Variants in SYT10 observed in about 807,000 individuals in gnomAD.
SYT10 encodes synaptotagmin 10.
Under a neutral mutation model 51.1 loss-of-function variants are expected in SYT10, and 31 were observed. The observed-to-expected ratio is 0.61, with a 90% CI of 0.46 to 0.82. The LOEUF is 0.82. SYT10 is among the 40% of genes least tolerant of loss of function. SYT10 has a pLI of 0.00. For synonymous variants in SYT10, 233 were observed against 225.9 expected (o/e 1.03, Z -0.28); for missense variants, 603 against 634.0 (o/e 0.95, Z 0.53).
intron 2 of SYT10, among the ~76,000 whole-genome samples, chr12:33,416,610 A>C (rs1000337785): frequency 6.6e-6 from 1 of 151,888 alleles, no homozygotes; most frequent in African/African-American, 2.4e-5. Flanking sequence ...GGTTCAATGA[A>C]CTCCTCTCTT....
intron 1 of SYT10, among the ~76,000 whole-genome samples, chr12:33,439,007 G>C (rs1332612101): frequency 2.0e-5 from 3 of 152,228 alleles, no homozygotes; most frequent in Non-Finnish European, 2.9e-5. Flanking sequence ...CCCACAAGCA[G>C]CCAAGCCGCG....
intron 3 of SYT10, among the ~76,000 whole-genome samples, chr12:33,394,653 G>A (rs1419110651): frequency 6.6e-6 from 1 of 152,126 alleles, no homozygotes; most frequent in Non-Finnish European, 1.5e-5. Flanking sequence ...TTTTGTGGAT[G>A]AAGAAATAAT....
intron 1 of SYT10, among the ~76,000 whole-genome samples, chr12:33,428,643 C>T (rs1866571441): frequency 6.6e-6 from 1 of 152,158 alleles, no homozygotes; most frequent in Non-Finnish European, 1.5e-5. Context: ...GCGGTGGCTC[C>T]CGCCTGTAAT....
In SYT10 at chr12:33,374,708, C is replaced by G. The variant is rs1240004082; in HGVS notation, c.*2122G>C. 1 of 151,824 alleles carries G rather than the reference C, an allele frequency of 6.6e-6. No homozygotes were observed. The highest frequency in any genetic ancestry group is 1.5e-5 in the Non-Finnish European group (1 of 67,858). The allele number at this position is 151,824 out of a possible 1,614,324, so 9.4% of individuals were successfully genotyped here. On this transcript the variant is annotated 3_prime_UTR_variant, in exon 7 of 7. Coordinates refer to ENST00000228567, the MANE Select transcript of SYT10 (RefSeq NM_198992.4). ...ACTTCAAGGAAACATTTAAAAAATT[C>G]TTTTAAAACTTATTTTAATCTACAA...
rs1314988937 is a variant in SYT10 at position 33,375,237 on chromosome 12, C to A, written c.*1593G>T. 6.6e-6 allele frequency: 1 copy of A among 151,840 alleles called. No homozygotes were observed. Among genetic ancestry groups the A allele is most frequent in the Non-Finnish European group, 1.5e-5 (1 of 67,886 alleles). 9.4% of individuals were successfully genotyped at this position (151,840 alleles called of 1,614,324 possible). A position where few individuals can be genotyped will look rare whatever the true frequency, so the allele number is the denominator to read the frequency against. On this transcript the variant is annotated 3_prime_UTR_variant, in exon 7 of 7. Transcript: ENST00000228567. ...TGTTTGCCTTTAAAATGGTAATGTG[C>A]AAAATATTTACCTCTTAATTAACAG...
chr12:33,378,235 C>T (rs540443311), intron 6 of SYT10, among the ~76,000 whole-genome samples: 7 of 152,192 alleles, frequency 4.6e-5, no homozygotes, highest in Admixed American at 3.3e-4. Context: ...GCTTATCTTC[C>T]TGTATATTCA....
chr12:33,406,764 A>G lies in SYT10; in HGVS notation c.1077+25T>C, dbSNP rs775643779. On this transcript the variant is annotated intron_variant, in intron 3 of 6. Coordinates refer to ENST00000228567, the MANE Select transcript of SYT10 (RefSeq NM_198992.4). ...AGCATTGTAAGTCAAATAAAAAACA[A>G]TATATTGGTGGAATTACTACTTACT... 12 of 1,548,920 alleles carry G rather than the reference A, an allele frequency of 7.7e-6. No individual in the cohort carries two copies. In the Admixed American group the frequency reaches 2.3e-4, roughly 30 times the overall value.
At chr12:33,432,610 T>C (rs1263525711) in intron 1 of SYT10, 1 of 152,200 alleles carries the variant, frequency 6.6e-6, no homozygotes, top group East Asian at 1.9e-4. Context: ...TATTGTTTTG[T>C]CCATTAGTCC....
At chr12:33,380,111 A>T in intron 5 of SYT10, 150 bp from the exon 6 acceptor site, 1 of 800,306 alleles carries the variant, frequency 1.2e-6, no homozygotes, top group Non-Finnish European at 1.9e-6. Flanking sequence ...GAAATCTCTT[A>T]AGTAAATCAA....
At chr12:33,421,800 G>T (rs1013879285) in intron 2 of SYT10, among the ~76,000 whole-genome samples, 1 of 152,070 alleles carries the variant, frequency 6.6e-6, no homozygotes, top group Non-Finnish European at 1.5e-5. Flanking sequence ...TAATAATTGG[G>T]CAGAGAAAGT....
At chr12:33,389,916 C>G (rs184658878) in intron 3 of SYT10, among the ~76,000 whole-genome samples, 2 of 152,146 alleles carry the variant, frequency 1.3e-5, no homozygotes, top group Non-Finnish European at 2.9e-5. Context: ...GTATTTCTCC[C>G]TGACCTACAC....
intron 2 of SYT10, chr12:33,408,298 A>G (rs1219446276): frequency 6.6e-6 from 1 of 152,138 alleles, no homozygotes; most frequent in Non-Finnish European, 1.5e-5. Flanking sequence ...TTTTTTCAAC[A>G]TGCTGTGGTC....
At chr12:33,397,879 T>C (rs1323036980) in intron 3 of SYT10, among the ~76,000 whole-genome samples, 2 of 152,082 alleles carry the variant, frequency 1.3e-5, no homozygotes, top group African/African-American at 2.4e-5. Flanking sequence ...GAGGTATCAG[T>C]CAATAAGAAA....
intron 2 of SYT10, among the ~76,000 whole-genome samples, chr12:33,422,486 G>A (rs1474087803): frequency 6.6e-6 from 1 of 151,984 alleles, no homozygotes; most frequent in Admixed American, 6.6e-5. Flanking sequence ...GAACTCCTCT[G>A]CTACAAATAT....
At chr12:33,425,969 TTC>T (rs1431234510) in intron 2 of SYT10, among the ~76,000 whole-genome samples, 167 bp downstream of exon 2, 1 of 151,554 alleles carries the variant, frequency 6.6e-6, no homozygotes. Flanking sequence ...GTCCTACCCT[TTC>T]TCTCTTTATT....
intron 1 of SYT10, among the ~76,000 whole-genome samples, chr12:33,428,907 GAAAA>G (rs142029382): frequency 2.1e-5 from 2 of 95,428 alleles, no homozygotes; most frequent in African/African-American, 3.4e-5. Flanking sequence ...CTCTGCTTCA[GAAAA>G]AAAAAAAAAA....
Position 33,393,880 on chromosome 12 carries a change from T to C in SYT10, c.1078-8589A>G, listed in dbSNP as rs78876214. 7.0e-3 allele frequency among the ~76,000 whole-genome samples: 1,067 copies of C among 152,332 alleles called. 12 individuals carry two copies. The highest frequency in any genetic ancestry group is 0.024 in the African/African-American group (989 of 41,580). On this transcript the variant is annotated intron_variant, in intron 3 of 6. Transcript: ENST00000228567. The stretch of plus-strand genomic sequence containing the variant: ...GTACGTGCCTTCATTCATGTGCATA[T>C]TGTATATTTCCTTCATTATTATCTG...
rs546618183 is a variant in SYT10 at position 33,419,060 on chromosome 12, A to G, written c.509+7078T>C. Among the ~76,000 whole-genome samples, 106 of 152,132 alleles carry G rather than the reference A, an allele frequency of 7.0e-4. 1 individual carries two copies. Among genetic ancestry groups the G allele is most frequent in the Admixed American group, 2.2e-3 (34 of 15,268 alleles). On this transcript the variant is annotated intron_variant, in intron 2 of 6. Transcript: ENST00000228567. ...CCTTTGCAGTGCCTGCCTCCTCTAC[A>G]TAAAAAGCCCTCCCAGACTCCTCAA...
At chr12:33,433,011 T>C (rs2138439996) in intron 1 of SYT10, among the ~76,000 whole-genome samples, 1 of 152,228 alleles carries the variant, frequency 6.6e-6, no homozygotes, top group African/African-American at 2.4e-5. Context: ...ATGTGAGGCA[T>C]GTTGATGCCA....
Sources: allele counts gnomAD v4.1 joint callset (sites outside exome capture counted in the v4.1 genomes callset), GRCh38; gene constraint gnomAD v4.1.1; transcripts MANE v1.5; gene names NCBI Gene and HGNC (gene_info 2026-07-23, HGNC 2026-07-21).